Variants in PHF24 observed in about 807,000 individuals in gnomAD.
PHF24 encodes Galpha inhibitory interacting protein.
In PHF24, 25 loss-of-function variants were observed where a neutral mutation model predicts 42.6. The observed-to-expected ratio is 0.59, with a 90% CI of 0.43 to 0.82. PHF24 has a LOEUF of 0.82. PHF24 is among the 40% of genes least tolerant of loss of function. The pLI is 0.00. For synonymous variants in PHF24, 185 were observed against 204.8 expected (o/e 0.90, Z 0.83); for missense variants, 470 against 538.1 (o/e 0.87, Z 1.25).
At chr9:34,808,478 C>A in the PHF24 span, among the ~76,000 whole-genome samples, 33 of 152,194 alleles carry the variant, frequency 2.2e-4, no homozygotes, top group East Asian at 6.4e-3. Flanking sequence ...AAAAAAATAG[C>A]AAAATATAGT....
chr9:34,851,261 A>G, the PHF24 span, among the ~76,000 whole-genome samples: 3 of 152,270 alleles, frequency 2.0e-5, no homozygotes, highest in African/African-American at 2.4e-5. Flanking sequence ...CACCCAGTTC[A>G]AGCTTCCCGG....
chr9:34,756,451 T>G, the PHF24 span, among the ~76,000 whole-genome samples: 5 of 152,170 alleles, frequency 3.3e-5, no homozygotes, highest in African/African-American at 1.2e-4. Context: ...TATTCTATTT[T>G]GCCACTTAAG....
At chr9:34,801,636 A>G in the PHF24 span, among the ~76,000 whole-genome samples, 1 of 152,106 alleles carries the variant, frequency 6.6e-6, no homozygotes, top group Non-Finnish European at 1.5e-5. Flanking sequence ...CTGAAGCAGG[A>G]GAATGGCGTG....
chr9:34,810,556 C>A, the PHF24 span, among the ~76,000 whole-genome samples: 2 of 152,108 alleles, frequency 1.3e-5, no homozygotes, highest in African/African-American at 4.8e-5. Flanking sequence ...TGGTGGAGCC[C>A]CCAGAGGGCC....
chr9:34,813,314 C>G, the PHF24 span, among the ~76,000 whole-genome samples: 1 of 152,268 alleles, frequency 6.6e-6, no homozygotes, highest in South Asian at 2.1e-4. Context: ...CTGACAAACA[C>G]TTCTGTTTCA....
the PHF24 span, chr9:34,894,554 A>T: frequency 2.5e-6 from 1 of 398,446 alleles, no homozygotes; most frequent in Admixed American, 4.4e-5. Context: ...GGATTCAGGG[A>T]CATCCTATAA....
At chr9:34,938,432 T>C in the PHF24 span, among the ~76,000 whole-genome samples, 5 of 152,196 alleles carry the variant, frequency 3.3e-5, no homozygotes, top group African/African-American at 1.2e-4. Flanking sequence ...TTCAAAAGCC[T>C]TTCCGGGAGA....
chr9:34,816,193 G>A, the PHF24 span, among the ~76,000 whole-genome samples: 1 of 152,044 alleles, frequency 6.6e-6, no homozygotes, highest in African/African-American at 2.4e-5. Context: ...ACACCATCCT[G>A]TGCTGAAAAT....
chr9:34,865,217 A>G, the PHF24 span, among the ~76,000 whole-genome samples: 2 of 151,924 alleles, frequency 1.3e-5, no homozygotes, highest in Non-Finnish European at 2.9e-5. Context: ...GTTTATGCAA[A>G]CAATGTTAAG....
chr9:34,780,298 C>CTTTTTTTTTTTTTTTTTTTTTTT, the PHF24 span, among the ~76,000 whole-genome samples: 21 of 63,858 alleles, frequency 3.3e-4, no homozygotes, highest in South Asian at 5.3e-4. Context: ...TTCTTTTTTT[C>CTTTTTTTTTTTTTTTTTTTTTTT]TTTTTTTTTT....
chr9:34,890,261 T>C, the PHF24 span, among the ~76,000 whole-genome samples: 1 of 152,220 alleles, frequency 6.6e-6, no homozygotes, highest in Non-Finnish European at 1.5e-5. Context: ...GCTCCAGTGC[T>C]GTCCAGACAC....
the PHF24 span, among the ~76,000 whole-genome samples, chr9:34,765,863 G>T: frequency 3.3e-5 from 5 of 152,066 alleles, no homozygotes; most frequent in Non-Finnish European, 7.4e-5. Context: ...CATGTTTAGT[G>T]CTTCCTTCAG....
intron 6 of PHF24, 62 bp downstream of exon 6, chr9:34,977,305 G>A: frequency 6.6e-7 from 1 of 1,524,668 alleles, no homozygotes; most frequent in Non-Finnish European, 8.8e-7. Context: ...CCATGCCAGT[G>A]GCCCTTCCAT....
At chr9:34,675,027 T>A in the PHF24 span, among the ~76,000 whole-genome samples, 1 of 152,090 alleles carries the variant, frequency 6.6e-6, no homozygotes. Context: ...CCACTAATTT[T>A]TTGTATTTTT....
chr9:34,952,138 C>G, the PHF24 span, among the ~76,000 whole-genome samples: 1 of 152,156 alleles, frequency 6.6e-6, no homozygotes, highest in Non-Finnish European at 1.5e-5. Flanking sequence ...CATGAAAACA[C>G]ATTTTGTCTG....
chr9:34,865,143 CAAA>C, the PHF24 span, among the ~76,000 whole-genome samples: 2 of 102,832 alleles, frequency 1.9e-5, no homozygotes, highest in Non-Finnish European at 2.0e-5. Flanking sequence ...TGCGCCACTG[CAAA>C]AAAAAAAAAA....
chr9:34,858,075 T>C, the PHF24 span, among the ~76,000 whole-genome samples: 1 of 152,028 alleles, frequency 6.6e-6, no homozygotes, highest in South Asian at 2.1e-4. Flanking sequence ...TTTAAATTAT[T>C]TATTTACTTA....
At position 34,970,344 on chromosome 9, in the gene PHF24, C is replaced by G. The variant is rs138586834; in HGVS notation, c.-4-951C>G. Among the ~76,000 whole-genome samples the G allele has an allele frequency of 8.2e-3, 1,242 of 152,136 alleles. 9 individuals are homozygous for G. The highest frequency in any genetic ancestry group is 0.011 in the Non-Finnish European group (724 of 67,992). ...CTTGAACAGTTCAGAAGAATTAAAG[C>G]AGAAAATGTGGGAGTGACAGCGCAG... is the stretch of plus-strand genomic sequence containing the variant. On this transcript the variant is annotated intron_variant, in intron 1 of 7. Coordinates refer to ENST00000242315, the Ensembl canonical transcript of PHF24.
At chr9:34,891,966 G>T in the PHF24 span, among the ~76,000 whole-genome samples, 1 of 152,166 alleles carries the variant, frequency 6.6e-6, no homozygotes, top group African/African-American at 2.4e-5. Context: ...AGGTGGGGAA[G>T]GAGGGGAGAT....
Sources: gnomAD v4.1 joint callset for allele counts (sites outside exome capture counted in the v4.1 genomes callset) on GRCh38, gnomAD v4.1.1 for gene constraint, MANE v1.5 for transcripts, NCBI Gene and HGNC (gene_info 2026-07-23, HGNC 2026-07-21) for gene names.